Variants in KDM2B observed in about 807,000 individuals in gnomAD.
KDM2B encodes lysine-specific demethylase 2B.
A neutral mutation model predicts 150.0 loss-of-function variants in KDM2B; 26 were observed. That is an observed-to-expected ratio of 0.17 (90% CI 0.13 to 0.24). The LOEUF (loss-of-function observed/expected upper bound fraction) is 0.24, where lower values mean the gene tolerates loss of function less well. KDM2B is among the 10% of genes least tolerant of loss of function. The pLI is 1.00. For synonymous variants in KDM2B, 734 were observed against 729.5 expected (o/e 1.01, Z -0.10); for missense variants, 1,265 against 1,816.9 (o/e 0.70, Z 5.52).
chr12:121,579,563 G>C, intron 1 of KDM2B: 1 of 1,294,672 alleles, frequency 7.7e-7, no homozygotes, highest in South Asian at 1.2e-5. Flanking sequence ...GGAAGGGGGA[G>C]AGGCAGACGG....
chr12:121,509,941 T>C lies in KDM2B; in HGVS notation c.1273A>G (p.Lys425Glu). ...CDQQPQEEEE[K>E]DEEGEGRDRA... is the part of the protein sequence containing the mutation. ...TCCCTGCCCTCGCCCTCCTCGTCCT[T>C]CTCCTCCTCCTCCTGAGGCTGCTGA... Residue 425 changes from lysine (K) to glutamate (E), a missense_variant, in exon 11 of 23, where the codon AAG (lysine) becomes GAG (glutamate). Physicochemically the swap from Lys to Glu is moderately conservative, Grantham distance 56 (BLOSUM62 1). Transcript: ENST00000377071. The C allele has an allele frequency of 6.2e-7, 1 of 1,611,844 alleles. No individual in the cohort carries two copies. The highest frequency in any genetic ancestry group is 8.5e-7 in the Non-Finnish European group (1 of 1,179,154).
chr12:121,487,298 G>C (rs1297219919), intron 12 of KDM2B, among the ~76,000 whole-genome samples: 1 of 152,152 alleles, frequency 6.6e-6, no homozygotes, highest in Non-Finnish European at 1.5e-5. Flanking sequence ...TTCTCTGTGG[G>C]CATTCGTTGA....
chr12:121,451,972 AAG>A (rs1241515428), intron 13 of KDM2B, among the ~76,000 whole-genome samples: 217 of 152,330 alleles, frequency 1.4e-3, no homozygotes, highest in Non-Finnish European at 2.2e-3. Flanking sequence ...CATAAAAAAA[AAG>A]GAAATTGTCA....
chr12:121,452,591 C>A lies in KDM2B; in HGVS notation c.1959+529G>T, dbSNP rs567990797. Among the ~76,000 whole-genome samples the A allele has an allele frequency of 1.1e-4, 17 of 152,398 alleles. No individual in the cohort carries two copies. Among genetic ancestry groups the A allele is most frequent in the Admixed American group, 4.6e-4 (7 of 15,314 alleles). On this transcript the variant is annotated intron_variant, in intron 13 of 22. Coordinates refer to ENST00000377071, the MANE Select transcript of KDM2B (RefSeq NM_032590.5). This position sits in a 1 kb window ranked among gnomAD's most constrained non-coding sequence, Gnocchi z 4.4. ...TTCAAGGGCAAACCCCGCGACCTCG[C>A]CCCGTTGCGAAGTCCATGTCCACTG...
At chr12:121,566,557 G>T (rs1890719176) in intron 4 of KDM2B, among the ~76,000 whole-genome samples, 1 of 152,090 alleles carries the variant, frequency 6.6e-6, no homozygotes, top group Admixed American at 6.6e-5. Flanking sequence ...GGAGGCGGAG[G>T]TTGCAGTGAG....
chr12:121,487,576 C>A (rs190765360), intron 12 of KDM2B, among the ~76,000 whole-genome samples: 2 of 152,302 alleles, frequency 1.3e-5, no homozygotes, highest in Non-Finnish European at 2.9e-5. Context: ...TGCTCTCCCA[C>A]AAGCCTTTCA....
chr12:121,532,688 G>A (rs60908779), intron 8 of KDM2B, 118 bp downstream of exon 8: 13 of 1,052,738 alleles, frequency 1.2e-5, no homozygotes, highest in South Asian at 3.0e-5. Flanking sequence ...GGCTCCCCTC[G>A]GGGACTGCCA....
intron 9 of KDM2B, chr12:121,516,526 G>C: frequency 7.0e-7 from 1 of 1,423,404 alleles, no homozygotes; most frequent in Non-Finnish European, 9.2e-7. Context: ...CATGCCTGGG[G>C]ACATTAAACA....
At position 121,439,850 on chromosome 12, in the gene KDM2B, G is replaced by T; in HGVS notation, c.3829+7C>A. ...TTAGGCAGACCCGATGGGGGCCCCTGACTCACCAGACAGGTTGATCTCGGT... is the reference window on the plus strand; with the variant it reads ...TTAGGCAGACCCGATGGGGGCCCCTTACTCACCAGACAGGTTGATCTCGGT... On this transcript the variant is annotated splice_region_variant and intron_variant, in intron 22 of 22. Coordinates refer to ENST00000377071, the MANE Select transcript of KDM2B (RefSeq NM_032590.5). The T allele has an allele frequency of 6.2e-7, 1 of 1,613,214 alleles. No homozygotes were observed. Among genetic ancestry groups the T allele is most frequent in the South Asian group, 1.1e-5 (1 of 91,012 alleles).
At chr12:121,578,314 C>T (rs1555317173) in intron 2 of KDM2B, among the ~76,000 whole-genome samples, 3 of 152,170 alleles carry the variant, frequency 2.0e-5, no homozygotes, top group South Asian at 2.1e-4. Flanking sequence ...AAACACCCGA[C>T]GCGCCCCCAT....
chr12:121,477,852 A>G (rs1213592981), intron 12 of KDM2B, among the ~76,000 whole-genome samples: 1 of 151,994 alleles, frequency 6.6e-6, no homozygotes, highest in Non-Finnish European at 1.5e-5. Flanking sequence ...TGCTAGGATT[A>G]CAGGTGTGAG....
Position 121,464,210 on chromosome 12 carries a change from G to C in KDM2B, c.1735-10866C>G, listed in dbSNP as rs184908934. 2.8e-4 allele frequency among the ~76,000 whole-genome samples: 43 copies of C among 152,346 alleles called. 1 individual carries two copies. The East Asian group carries it at 7.9e-3, about 28-fold the overall frequency. On this transcript the variant is annotated intron_variant, in intron 12 of 22. Transcript: ENST00000377071. ...ATCATATCACTGTACTCCAGCCTGC[G>C]TGACAGAGCAGGACCCTGACTCAAA...
chr12:121,542,170 T>A (rs1381475435), intron 6 of KDM2B, among the ~76,000 whole-genome samples: 1 of 152,200 alleles, frequency 6.6e-6, no homozygotes, highest in Non-Finnish European at 1.5e-5. Flanking sequence ...CCCACTGCCA[T>A]ATCATGAGGA....
At chr12:121,454,967 GC>G (rs1192489497) in intron 12 of KDM2B, among the ~76,000 whole-genome samples, 2 of 152,100 alleles carry the variant, frequency 1.3e-5, no homozygotes, top group Non-Finnish European at 1.5e-5. Flanking sequence ...AAGAAAAACA[GC>G]CCCCCTTTCT....
chr12:121,497,905 GATCAACATGGAGA>G (rs1461882181), intron 11 of KDM2B, among the ~76,000 whole-genome samples: 1 of 151,944 alleles, frequency 6.6e-6, no homozygotes, highest in Non-Finnish European at 1.5e-5. Context: ...AGACCATCCT[GATCAACATGGAGA>G]AACCCCATCA....
chr12:121,561,911 C>T (rs1890364158), intron 4 of KDM2B, among the ~76,000 whole-genome samples: 1 of 152,208 alleles, frequency 6.6e-6, no homozygotes, highest in East Asian at 1.9e-4. Context: ...GTGGCTCATG[C>T]CTGTAATCCC....
rs370311631 is a variant in KDM2B at position 121,509,780 on chromosome 12, C to T, written c.1434G>A (p.Glu478=). Residue 478 remains glutamate (E), a synonymous_variant, in exon 11 of 23, where the codon GAG becomes GAA. Transcript: ENST00000377071. ...FLKRTLSNES[E]ESVKSTTLAV... is the part of the protein sequence containing the mutation. ...CCAATGTGGTGGACTTCACACTTTC[C>T]TCCGACTCATTAGACAAAGTCCTTT... 95 of 1,614,146 alleles carry T rather than the reference C, an allele frequency of 5.9e-5. 2 individuals carry two copies. Among genetic ancestry groups the T allele is most frequent in the South Asian group, 4.2e-4 (38 of 91,084 alleles).
chr12:121,528,241 G>A (rs1555307160), intron 8 of KDM2B, among the ~76,000 whole-genome samples: 1 of 152,194 alleles, frequency 6.6e-6, no homozygotes, highest in African/African-American at 2.4e-5. Context: ...TAGGAATAAA[G>A]CCTGAAGAAT....
chr12:121,443,229 G>A (rs1039362188), intron 17 of KDM2B, 199 bp from the exon 18 acceptor site: 9 of 617,474 alleles, frequency 1.5e-5, no homozygotes, highest in Non-Finnish European at 2.3e-5. Context: ...GCTGGAAGTA[G>A]GAGTACAGTT....
Sources: allele counts gnomAD v4.1 joint callset (sites outside exome capture counted in the v4.1 genomes callset), GRCh38; gene constraint gnomAD v4.1.1; non-coding constraint Gnocchi (gnomAD v3.1); transcripts MANE v1.5; gene names NCBI Gene and HGNC (gene_info 2026-07-23, HGNC 2026-07-21).